The following PFKFB2 variants were observed in gnomAD, a reference collection of about 807,000 sequenced individuals.
PFKFB2 encodes 6-phosphofructo-2-kinase/fructose-2,6-biphosphatase 2.
In PFKFB2, 53 loss-of-function variants were observed where a neutral mutation model predicts 68.0. The ratio of observed to expected loss-of-function variants is 0.78; its 90% CI spans 0.63 to 0.98. The LOEUF is 0.98. Among genes scored for constraint, PFKFB2 ranks in the 50% least tolerant of loss-of-function variants. PFKFB2 has a pLI of 0.00. For missense variants in PFKFB2, 451 were observed against 642.0 expected (o/e 0.70, Z 3.22); for synonymous variants, 222 against 227.6 (o/e 0.98, Z 0.22).
intron 8 of PFKFB2, 115 bp downstream of exon 8, chr1:207,065,275 C>A: frequency 6.6e-7 from 1 of 1,506,182 alleles, no homozygotes; most frequent in Non-Finnish European, 8.9e-7. Context: ...ACAGTGTTAA[C>A]ATCATCCCAG....
At position 207,072,989 on chromosome 1, in the gene PFKFB2, A is replaced by G; in HGVS notation, c.*618A>G. On this transcript the variant is annotated 3_prime_UTR_variant, in exon 15 of 15. Coordinates refer to ENST00000367080, the MANE Select transcript of PFKFB2 (RefSeq NM_006212.2). ...TGCTTTCTGCAGTGGGTCTAAATGG[A>G]TCTGGACTGGAGGAGTCTTTCCTTT... 1.0e-6 allele frequency: 1 copy of G among 985,444 alleles called. No homozygotes were observed. The highest frequency in any genetic ancestry group is 1.2e-6 in the Non-Finnish European group (1 of 830,038). 61.0% of individuals were successfully genotyped at this position (985,444 alleles called of 1,614,324 possible).
intron 7 of PFKFB2, among the ~76,000 whole-genome samples, chr1:207,064,630 G>A (rs114882700): frequency 6.6e-5 from 10 of 152,208 alleles, no homozygotes; most frequent in East Asian, 1.9e-4. Flanking sequence ...TCTCCCAGCC[G>A]TAGGAACTTG....
At chr1:207,051,046 G>A, upstream of PFKFB2, 1 of 1,487,382 alleles carries the variant, frequency 6.7e-7, no homozygotes, top group Non-Finnish European at 8.9e-7. Context: ...GAAGTTGCGG[G>A]TGGTTGCAGT....
chr1:207,068,510 CTG>C (rs1458281945), intron 10 of PFKFB2, among the ~76,000 whole-genome samples: 1 of 152,172 alleles, frequency 6.6e-6, no homozygotes, highest in Non-Finnish European at 1.5e-5. Flanking sequence ...GATTCAGTAC[CTG>C]TGCCAATCAT....
chr1:207,036,669 G>A (rs1162108512), intron 1 of PFKFB2, among the ~76,000 whole-genome samples: 1 of 152,110 alleles, frequency 6.6e-6, no homozygotes, highest in Non-Finnish European at 1.5e-5. Flanking sequence ...AACTTCCTCT[G>A]CACCCATTTT....
intron 2 of PFKFB2, chr1:207,060,925 C>T (rs1244149069): frequency 1.5e-5 from 2 of 137,508 alleles, no homozygotes; most frequent in Non-Finnish European, 3.0e-5. Flanking sequence ...GTAGCTGGGA[C>T]TATAGGTGCA....
intron 1 of PFKFB2, among the ~76,000 whole-genome samples, chr1:207,036,111 C>A (rs530242163): frequency 7.2e-5 from 11 of 152,180 alleles, no homozygotes; most frequent in Non-Finnish European, 1.6e-4. Context: ...GAGGGATCTG[C>A]CCCCATGACC....
intron 8 of PFKFB2, 113 bp from the exon 9 acceptor site, chr1:207,067,386 G>T: frequency 1.4e-6 from 1 of 704,070 alleles, no homozygotes; most frequent in East Asian, 2.6e-5. Flanking sequence ...TGACAGAGGA[G>T]GGGAGGAAGA....
upstream of PFKFB2, chr1:207,052,445 C>A (rs1204732354): frequency 2.1e-6 from 1 of 472,432 alleles, no homozygotes; most frequent in Admixed American, 3.7e-5. Context: ...GTGAATCACC[C>A]GAGGTCAGAA....
At chr1:207,049,469 C>T (rs202052371), upstream of PFKFB2, 147 of 1,614,032 alleles carry the variant, frequency 9.1e-5, no homozygotes, top group Non-Finnish European at 1.2e-5. Context: ...CCCAGTATTG[C>T]CTCACTATAG....
chr1:207,043,978 A>T (rs1009752129), intron 2 of PFKFB2: 1 of 152,642 alleles, frequency 6.6e-6, no homozygotes, highest in African/African-American at 2.4e-5. Context: ...AGAGTTGTAG[A>T]AAATGAAGTT....
chr1:207,061,051 T>TTTTATATATATC (rs201187476), intron 2 of PFKFB2: 13 of 117,404 alleles, frequency 1.1e-4, no homozygotes, highest in African/African-American at 3.1e-4. Flanking sequence ...AATATATATA[T>TTTTATATATATC]TTTATATATA....
chr1:207,038,254 G>C (rs1296302653), intron 1 of PFKFB2, among the ~76,000 whole-genome samples: 1 of 152,104 alleles, frequency 6.6e-6, no homozygotes, highest in African/African-American at 2.4e-5. Context: ...CCCTTATTAG[G>C]TGTTAGGAAT....
upstream of PFKFB2, chr1:207,052,245 T>C: frequency 6.2e-7 from 1 of 1,611,770 alleles, no homozygotes; most frequent in Non-Finnish European, 8.5e-7. Flanking sequence ...TCTTTTCACA[T>C]CTTTCATGAC....
chr1:207,067,301 G>A (rs1683320245), intron 8 of PFKFB2, among the ~76,000 whole-genome samples, 198 bp from the exon 9 acceptor site: 1 of 152,300 alleles, frequency 6.6e-6, no homozygotes, highest in Admixed American at 6.5e-5. Flanking sequence ...CTTACTAGAA[G>A]TTCAGGAAAT....
At chr1:207,049,715 G>A (rs767436537), upstream of PFKFB2, 6 of 1,608,444 alleles carry the variant, frequency 3.7e-6, no homozygotes, top group Non-Finnish European at 5.1e-6. Flanking sequence ...TCAATGATCA[G>A]CATGTCACCT....
chr1:207,048,561 C>CAA (rs781581034), upstream of PFKFB2: 29 of 157,242 alleles, frequency 1.8e-4, no homozygotes, highest in Non-Finnish European at 3.8e-4. Flanking sequence ...GGAGGCCTTC[C>CAA]ACATTACCCA....
At chr1:207,060,547 G>C (rs1683054946) in intron 2 of PFKFB2, among the ~76,000 whole-genome samples, 1 of 152,144 alleles carries the variant, frequency 6.6e-6, no homozygotes, top group Non-Finnish European at 1.5e-5. Flanking sequence ...GGCTTAAAGA[G>C]GAGCTCATGA....
chr1:207,073,822 G>T lies in PFKFB2; in HGVS notation c.*1451G>T. The T allele has an allele frequency of 1.0e-6, 1 of 985,352 alleles. No individual in the cohort carries two copies. Among genetic ancestry groups the T allele is most frequent in the Non-Finnish European group, 1.2e-6 (1 of 829,892 alleles). The allele number at this position is 985,352 out of a possible 1,614,324, so 61.0% of individuals were successfully genotyped here. A position where few individuals can be genotyped will look rare whatever the true frequency, so the allele number is the denominator to read the frequency against. ...TCCCAATTTTGCATGCAAAATGTAC[G>T]AATATATGTATGTTTTTCTGAGAGG... On this transcript the variant is annotated 3_prime_UTR_variant, in exon 15 of 15. Transcript: ENST00000367080.
Sources: gnomAD v4.1 joint callset for allele counts (sites outside exome capture counted in the v4.1 genomes callset) on GRCh38, gnomAD v4.1.1 for gene constraint, MANE v1.5 for transcripts, NCBI Gene and HGNC (gene_info 2026-07-23, HGNC 2026-07-21) for gene names.